Variants in ARID5A observed in about 807,000 individuals in gnomAD.
The protein encoded by ARID5A is AT-rich interactive domain-containing protein 5A.
In ARID5A, 14 loss-of-function variants were observed where a neutral mutation model predicts 30.5. The ratio of observed to expected loss-of-function variants is 0.46; its 90% CI spans 0.30 to 0.72. The LOEUF (loss-of-function observed/expected upper bound fraction) is 0.72, where lower values mean the gene tolerates loss of function less well. Among genes scored for constraint, ARID5A ranks in the 30% least tolerant of loss-of-function variants. The pLI is 0.07. For synonymous variants in ARID5A, 338 were observed against 340.4 expected, an observed-to-expected ratio of 0.99 and a Z score of 0.08; for missense variants, 669 against 786.2, an observed-to-expected ratio of 0.85 and a Z score of 1.78.
rs778495920 is a variant in ARID5A, at chr2:96,551,987, C to T, written c.1459C>T (p.Leu487Phe). The change falls in exon 7 of 7, where the codon CTT becomes TTT. Residue 487 changes from leucine (L) to phenylalanine (F), a missense_variant. Physicochemically the swap from Leu to Phe is conservative, Grantham distance 22. Coordinates refer to ENST00000357485, the MANE Select transcript of ARID5A (RefSeq NM_212481.3). ...TGCAGGGTCCGGCCTGGTCTCCTGC[C>T]TTCTGGGCCCAGCCCTGGGGCCTGT... The part of the protein sequence containing the change: ...KPAGSGLVSC[L>F]LGPALGPVPP... 5 of 1,519,234 alleles carry T rather than the reference C, an allele frequency of 3.3e-6. No homozygotes were observed. The South Asian group carries it at 5.3e-5, about 16-fold the overall frequency. 94.1% of individuals were successfully genotyped at this position (1,519,234 alleles called of 1,614,324 possible). A position where few individuals can be genotyped will look rare whatever the true frequency, so the allele number is the denominator to read the frequency against.
Position 96,551,408 on chromosome 2 carries a change from C to T in ARID5A, c.880C>T (p.Leu294Phe). 6.2e-7 allele frequency: 1 copy of T among 1,606,236 alleles called. No individual in the cohort carries two copies. Among genetic ancestry groups the T allele is most frequent in the Middle Eastern group, 1.7e-4 (1 of 5,740 alleles). Residue 294 changes from leucine to phenylalanine, a missense_variant, in exon 7 of 7, where the codon CTC becomes TTC. By Grantham distance (22) the Leu-to-Phe change is conservative (BLOSUM62 0). Transcript: ENST00000357485. ...AEPQASPAVH[L>F]PESPQSPKGL... ...GCCCCAGGCGTCCCCAGCTGTTCAC[C>T]TCCCAGAGAGTCCCCAGAGCCCCAA... is the stretch of plus-strand genomic sequence containing the variant.
In ARID5A at chr2:96,549,464, G is replaced by A; in HGVS notation, c.259+5G>A. 8 of 1,611,182 alleles carry A rather than the reference G, an allele frequency of 5.0e-6. No homozygotes were observed. Among genetic ancestry groups the A allele is most frequent in the East Asian group, 2.2e-5 (1 of 44,818 alleles). On this transcript the variant is annotated splice_donor_5th_base_variant and intron_variant, in intron 3 of 6. Coordinates refer to ENST00000357485, the MANE Select transcript of ARID5A (RefSeq NM_212481.3). This position sits in a 1 kb window ranked among gnomAD's most constrained non-coding sequence, Gnocchi z 6.1. ...CCCATCTCGGCTTCAAGCAGAGTGC[G>A]TCCCTGGGGTGCAGGCAGGGAGGGG... is the stretch of plus-strand genomic sequence containing the variant.
Position 96,550,366 on chromosome 2 carries a change from C to T in ARID5A, c.410+81C>T, listed in dbSNP as rs955933705. On this transcript the variant is annotated intron_variant, in intron 5 of 6. Coordinates refer to ENST00000357485, the MANE Select transcript of ARID5A (RefSeq NM_212481.3). This position sits in a 1 kb window ranked among gnomAD's most constrained non-coding sequence, Gnocchi z 6.6. ...GACCTTGCCGGGAGGGCCGGGTGGA[C>T]TCTGCCCGGAGCGGGCAGGGTATGC... 10 of 1,425,520 alleles carry T rather than the reference C, an allele frequency of 7.0e-6. No homozygotes were observed. In the Admixed American group the frequency reaches 2.1e-4, roughly 30 times the overall value. The allele number at this position is 1,425,520 out of a possible 1,614,324, so 88.3% of individuals were successfully genotyped here.
Position 96,537,188 on chromosome 2 carries a change from C to G in ARID5A, c.4+358C>G, listed in dbSNP as rs1391045379. On this transcript the variant is annotated intron_variant, in intron 1 of 6. Coordinates refer to ENST00000357485, the MANE Select transcript of ARID5A (RefSeq NM_212481.3). This position sits in a 1 kb window ranked among gnomAD's most constrained non-coding sequence, Gnocchi z 4.8. ...TACGGCTCTGTCGTCCCACTTCCTGCTGCGGTTTCCACCTCGAGCTGGGCT... is the reference window on the plus strand; with the variant it reads ...TACGGCTCTGTCGTCCCACTTCCTGGTGCGGTTTCCACCTCGAGCTGGGCT... Among the ~76,000 whole-genome samples the G allele has an allele frequency of 6.6e-6, 1 of 152,232 alleles. No individual in the cohort carries two copies. The highest frequency in any genetic ancestry group is 2.4e-5 in the African/African-American group (1 of 41,462).
Position 96,543,840 on chromosome 2 carries a change from C to A in ARID5A, c.5-3562C>A, listed in dbSNP as rs572448149. The stretch of plus-strand genomic sequence containing the variant: ...AAATAATTAAACTTAGTGAGGAAGG[C>A]AGGTCGAAAGCCCAGATAGGCCGAA... On this transcript the variant is annotated intron_variant, in intron 1 of 6. Coordinates refer to ENST00000357485, the MANE Select transcript of ARID5A (RefSeq NM_212481.3). Among the ~76,000 whole-genome samples the A allele has an allele frequency of 3.9e-5, 6 of 152,342 alleles. No individual in the cohort carries two copies. The South Asian group carries it at 1.2e-3, about 32-fold the overall frequency.
rs1341670527 is a variant in ARID5A, at chr2:96,536,981, C to T, written c.4+151C>T. On this transcript the variant is annotated intron_variant, in intron 1 of 6. Transcript: ENST00000357485. ...CCGGGGTGGGTTTCGGGGCGCGGGC[C>T]AAGGGGAGCGAGCCCGGCCCGCGGC... is the stretch of plus-strand genomic sequence containing the variant. The T allele has an allele frequency of 9.7e-6, 10 of 1,035,908 alleles. No individual in the cohort carries two copies. The East Asian group carries it at 3.4e-4, about 35-fold the overall frequency. The allele number at this position is 1,035,908 out of a possible 1,614,324, so 64.2% of individuals were successfully genotyped here. A position where few individuals can be genotyped will look rare whatever the true frequency, so the allele number is the denominator to read the frequency against.
At position 96,550,105 on chromosome 2, in the gene ARID5A, TC is replaced by T; in HGVS notation, c.313-80del. ...AGCTGCCAAACTGCAGTCCTTCGAGTCCCTGCGAGGGCGGCCGGAGCTGCAA... is the reference window on the plus strand; with the variant it reads ...AGCTGCCAAACTGCAGTCCTTCGAGTCCTGCGAGGGCGGCCGGAGCTGCAA... On this transcript the variant is annotated intron_variant, in intron 4 of 6. Transcript: ENST00000357485. This position sits in a 1 kb window ranked among gnomAD's most constrained non-coding sequence, Gnocchi z 6.6. 2.6e-6 allele frequency: 4 copies of T among 1,531,452 alleles called. No homozygotes were observed. Among genetic ancestry groups the T allele is most frequent in the Non-Finnish European group, 3.5e-6 (4 of 1,144,382 alleles). The allele number at this position is 1,531,452 out of a possible 1,614,324, so 94.9% of individuals were successfully genotyped here. A position where few individuals can be genotyped will look rare whatever the true frequency, so the allele number is the denominator to read the frequency against.
In ARID5A at chr2:96,543,401, C is replaced by T. The variant is rs2065877030; in HGVS notation, c.5-4001C>T. On this transcript the variant is annotated intron_variant, in intron 1 of 6. Transcript: ENST00000357485. ...TTTACTCATTGAAGGTTTGTGGCAA[C>T]CCAGCATCGAGCAAGTCTATCGATG... 2.0e-5 allele frequency among the ~76,000 whole-genome samples: 3 copies of T among 151,914 alleles called. No homozygotes were observed. The South Asian group carries it at 6.2e-4, about 32-fold the overall frequency.
In ARID5A at chr2:96,552,227, C is replaced by T; in HGVS notation, c.1699C>T (p.Leu567Phe). ...TSFDSALRHR[L>F]CPASSAWHAP... is the part of the protein sequence containing the mutation. ...CTTCGACAGTGCCCTCCGCCACAGA[C>T]TTTGCCCGGCCTCATCTGCCTGGCA... The change falls in exon 7 of 7, where the codon CTT becomes TTT. Residue 567 changes from leucine to phenylalanine, a missense_variant. This residue lies in a region of ARID5A where 548 missense variants were observed against 577.4 expected (regional missense o/e 0.95). Transcript: ENST00000357485. 6.2e-7 allele frequency: 1 copy of T among 1,613,552 alleles called. No individual in the cohort carries two copies. Among genetic ancestry groups the T allele is most frequent in the Non-Finnish European group, 8.5e-7 (1 of 1,179,954 alleles).
In ARID5A at chr2:96,552,624, G is replaced by T; in HGVS notation, c.*311G>T. ...CGGAAAATCCAATAAAAAGACACCA[G>T]TGTGAATCCACGTAGCCCTGAGGTG... is the stretch of plus-strand genomic sequence containing the variant. On this transcript the variant is annotated 3_prime_UTR_variant, in exon 7 of 7. Coordinates refer to ENST00000357485, the MANE Select transcript of ARID5A (RefSeq NM_212481.3). The T allele has an allele frequency of 7.1e-7, 1 of 1,406,906 alleles. No individual in the cohort carries two copies. Among genetic ancestry groups the T allele is most frequent in the Non-Finnish European group, 9.3e-7 (1 of 1,074,070 alleles). 87.2% of individuals were successfully genotyped at this position (1,406,906 alleles called of 1,614,324 possible). A position where few individuals can be genotyped will look rare whatever the true frequency, so the allele number is the denominator to read the frequency against.
intron 1 of ARID5A, among the ~76,000 whole-genome samples, chr2:96,544,194 G>A (rs2065888266): frequency 6.6e-6 from 1 of 152,244 alleles, no homozygotes; most frequent in Non-Finnish European, 1.5e-5. Context: ...AAAAGTGCAA[G>A]GCGAATCAAC....
Position 96,549,733 on chromosome 2 carries a change from C to A in ARID5A, c.260-20C>A. On this transcript the variant is annotated intron_variant, in intron 3 of 6. Transcript: ENST00000357485. The surrounding 1 kb of genome is among the most constrained non-coding windows in gnomAD (Gnocchi z 6.1). ...ACCTCCCACAGAGACTGACGGCCAG[C>A]CTGCTCTTCTCTCCCCCAGTTAACC... The A allele has an allele frequency of 6.2e-7, 1 of 1,613,944 alleles. No individual in the cohort carries two copies.
In ARID5A at chr2:96,552,547, A is replaced by G; in HGVS notation, c.*234A>G. ...AGTTGTTATAAGGCGCTGGGAGAGG[A>G]TGGGCAGCTCCCACTGCCCCAGAGC... On this transcript the variant is annotated 3_prime_UTR_variant, in exon 7 of 7. Transcript: ENST00000357485. 6.5e-7 allele frequency: 1 copy of G among 1,527,488 alleles called. No homozygotes were observed. Among genetic ancestry groups the G allele is most frequent in the Non-Finnish European group, 8.8e-7 (1 of 1,142,020 alleles). The allele number at this position is 1,527,488 out of a possible 1,614,324, so 94.6% of individuals were successfully genotyped here. A position where few individuals can be genotyped will look rare whatever the true frequency, so the allele number is the denominator to read the frequency against.
chr2:96,545,316 C>G (rs1051651004), intron 1 of ARID5A, among the ~76,000 whole-genome samples: 3 of 151,934 alleles, frequency 2.0e-5, no homozygotes, highest in Non-Finnish European at 4.4e-5. Context: ...GCCACCACAC[C>G]CAGCTGACTT....
At position 96,539,620 on chromosome 2, in the gene ARID5A, A is replaced by C. The variant is rs1323761655; in HGVS notation, c.4+2790A>C. On this transcript the variant is annotated intron_variant, in intron 1 of 6. Coordinates refer to ENST00000357485, the MANE Select transcript of ARID5A (RefSeq NM_212481.3). This position sits in a 1 kb window ranked among gnomAD's most constrained non-coding sequence, Gnocchi z 4.7. ...CTTTCCTCCTTCCTCAAGATTATGGAGATAACACCCCTTATTCAAAGATGG... is the reference window on the plus strand; with the variant it reads ...CTTTCCTCCTTCCTCAAGATTATGGCGATAACACCCCTTATTCAAAGATGG... Among the ~76,000 whole-genome samples, 4 of 152,184 alleles carry C rather than the reference A, an allele frequency of 2.6e-5. No homozygotes were observed. The highest frequency in any genetic ancestry group is 4.4e-5 in the Non-Finnish European group (3 of 68,038).
intron 1 of ARID5A, among the ~76,000 whole-genome samples, chr2:96,545,857 G>A (rs895206035): frequency 6.6e-6 from 1 of 152,134 alleles, no homozygotes. Flanking sequence ...GGGAGGCTGA[G>A]GCAGGAGAAT....
rs2065754681 is a variant in ARID5A at position 96,537,383 on chromosome 2, T to C, written c.4+553T>C. The C allele has an allele frequency of 6.6e-6, 1 of 152,340 alleles. No individual in the cohort carries two copies. Among genetic ancestry groups the C allele is most frequent in the Non-Finnish European group, 1.5e-5 (1 of 68,148 alleles). 9.4% of individuals were successfully genotyped at this position (152,340 alleles called of 1,614,324 possible). ...GGCTGCGCGGGTGTGAAGAACTTGC[T>C]CAATGCGCTTTGTAGGATCCACTGT... is the stretch of plus-strand genomic sequence containing the variant. On this transcript the variant is annotated intron_variant, in intron 1 of 6. Transcript: ENST00000357485. The surrounding 1 kb of genome is among the most constrained non-coding windows in gnomAD (Gnocchi z 4.8).
rs373575366 is a variant in ARID5A at position 96,551,299 on chromosome 2, A to T, written c.771A>T (p.Pro257=). The T allele has an allele frequency of 4.3e-5, 70 of 1,613,838 alleles. No homozygotes were observed. In the African/African-American group the frequency reaches 8.7e-4, roughly 20 times the overall value. ...YCKGTHGIMS[P]LAKKKLLAQV... Reference sequence around the variant, plus strand: ...AGGGGACACACGGCATCATGTCACCACTGGCCAAAAAGAAGCTCCTGGCCC... The same window carrying T: ...AGGGGACACACGGCATCATGTCACCTCTGGCCAAAAAGAAGCTCCTGGCCC... The change falls in exon 7 of 7, where the codon CCA becomes CCT. Residue 257 remains proline (P), a synonymous_variant. Transcript: ENST00000357485.
Position 96,537,797 on chromosome 2 carries a change from G to C in ARID5A, c.4+967G>C, listed in dbSNP as rs2065766955. Reference sequence around the variant, plus strand: ...GTCACCCTCCGCCCAGCGCCGGCGTGGTGGGGCTTGCGCGGTGCAGGACCC... The same window carrying C: ...GTCACCCTCCGCCCAGCGCCGGCGTCGTGGGGCTTGCGCGGTGCAGGACCC... On this transcript the variant is annotated intron_variant, in intron 1 of 6. Transcript: ENST00000357485. This position sits in a 1 kb window ranked among gnomAD's most constrained non-coding sequence, Gnocchi z 4.8. 1 of 929,624 alleles carries C rather than the reference G, an allele frequency of 1.1e-6. No individual in the cohort carries two copies. The highest frequency in any genetic ancestry group is 1.8e-5 in the African/African-American group (1 of 56,118). 57.6% of individuals were successfully genotyped at this position (929,624 alleles called of 1,614,324 possible). A position where few individuals can be genotyped will look rare whatever the true frequency, so the allele number is the denominator to read the frequency against.
Sources: gnomAD v4.1 joint callset for allele counts (sites outside exome capture counted in the v4.1 genomes callset) on GRCh38, gnomAD v4.1.1 for gene constraint, gnomAD v4.1.1 regional missense constraint, Gnocchi (gnomAD v3.1) non-coding constraint, MANE v1.5 for transcripts, NCBI Gene and HGNC (gene_info 2026-07-23, HGNC 2026-07-21) for gene names.